Variants in ADGRL4 observed in about 807,000 individuals in gnomAD.
ADGRL4 encodes the protein adhesion G protein-coupled receptor L4, also known as EGF, latrophilin and seven transmembrane domain containing 1.
Under a neutral mutation model 74.8 loss-of-function variants are expected in ADGRL4, and 90 were observed. The observed-to-expected ratio is 1.20, with a 90% CI of 1.02 to 1.43. The LOEUF (loss-of-function observed/expected upper bound fraction) is 1.43, where lower values mean the gene tolerates loss of function less well. Ranked by LOEUF, ADGRL4 falls within the 40% of genes most tolerant of loss-of-function variation. ADGRL4 has a pLI of 0.00. For synonymous variants in ADGRL4, 311 were observed against 279.2 expected (o/e 1.11, Z -1.14); for missense variants, 881 against 814.3 (o/e 1.08, Z -1.00).
chr1:78,968,501 G>A (rs1246132442), intron 2 of ADGRL4, among the ~76,000 whole-genome samples: 6 of 125,616 alleles, frequency 4.8e-5, no homozygotes, highest in East Asian at 4.9e-4. Flanking sequence ...GGTGGAGGGC[G>A]GTGGGGGGGT....
At chr1:78,999,702 C>T (rs1190580988) in intron 2 of ADGRL4, among the ~76,000 whole-genome samples, 1 of 152,028 alleles carries the variant, frequency 6.6e-6, no homozygotes, top group Non-Finnish European at 1.5e-5. Context: ...ACAAAATGAA[C>T]ACAAGCTCTA....
Position 78,920,204 on chromosome 1 carries a change from C to A in ADGRL4, c.1440G>T (p.Gly480=). 1 of 1,611,148 alleles carries A rather than the reference C, an allele frequency of 6.2e-7. No homozygotes were observed. The highest frequency in any genetic ancestry group is 1.1e-5 in the South Asian group (1 of 90,988). ...LFLAELVFLV[G]INTNTNKLFC... Reference sequence around the variant, plus strand: ...ATACCTTATTAGTATTTGTATTGATCCCAACAAGAAAAACAAGTTCAGCAA... The same window carrying A: ...ATACCTTATTAGTATTTGTATTGATACCAACAAGAAAAACAAGTTCAGCAA... Residue 480 remains glycine (G), a synonymous_variant, in exon 10 of 15, where the codon GGG becomes GGT. Transcript: ENST00000370742.
At chr1:78,918,969 A>G (rs1648940678) in intron 10 of ADGRL4, among the ~76,000 whole-genome samples, 1 of 151,958 alleles carries the variant, frequency 6.6e-6, no homozygotes, top group Non-Finnish European at 1.5e-5. Context: ...TACACTGAGT[A>G]ATTTTGGGGT....
At chr1:78,932,298 G>A (rs1391365042) in intron 7 of ADGRL4, among the ~76,000 whole-genome samples, 2 of 151,538 alleles carry the variant, frequency 1.3e-5, no homozygotes, top group Admixed American at 6.6e-5. Context: ...TTACATGGAA[G>A]TTGAACAACC....
intron 1 of ADGRL4, 94 bp downstream of exon 1, chr1:79,006,539 T>A: frequency 7.0e-6 from 10 of 1,420,838 alleles, no homozygotes; most frequent in Non-Finnish European, 9.5e-6. Flanking sequence ...CCAAATACAC[T>A]TGCCATGTGA....
chr1:78,893,075 A>G, intron 13 of ADGRL4, 23 bp downstream of exon 13: 3 of 1,386,038 alleles, frequency 2.2e-6, no homozygotes, highest in Non-Finnish European at 3.0e-6. Flanking sequence ...AAAAAAAAAA[A>G]GTGAACTTAA....
At chr1:78,990,994 C>T (rs1055153697) in intron 2 of ADGRL4, among the ~76,000 whole-genome samples, 3 of 151,988 alleles carry the variant, frequency 2.0e-5, no homozygotes, top group Non-Finnish European at 4.4e-5. Context: ...GTTAGAAACA[C>T]CTCAGCTTCT....
rs371985119 is a variant in ADGRL4, at chr1:78,968,961, A to G, written c.173-22535T>C. On this transcript the variant is annotated intron_variant, in intron 2 of 14. Transcript: ENST00000370742. ...GGACTTATGAGGAGCTGAAATGTTC[A>G]AGAATATCAAGCAAATCAAGAACTA... is the stretch of plus-strand genomic sequence containing the variant. Among the ~76,000 whole-genome samples, 8 of 152,358 alleles carry G rather than the reference A, an allele frequency of 5.3e-5. No individual in the cohort carries two copies. The East Asian group carries it at 1.3e-3, about 26-fold the overall frequency.
chr1:78,958,748 C>T (rs193136509), intron 2 of ADGRL4, among the ~76,000 whole-genome samples: 46 of 152,232 alleles, frequency 3.0e-4, no homozygotes, highest in Admixed American at 9.8e-4. Context: ...AAAGCAACAG[C>T]AGGGTTTGAG....
intron 1 of ADGRL4, among the ~76,000 whole-genome samples, chr1:79,005,656 A>C (rs1489865666): frequency 2.0e-5 from 3 of 152,206 alleles, no homozygotes; most frequent in Admixed American, 6.5e-5. Flanking sequence ...AGGTTTTTGC[A>C]AATTCAAATC....
Position 78,891,148 on chromosome 1 carries a change from C to A in ADGRL4, c.*6G>T. ...TGCAGTTGTAATTATCCACCATTCT[C>A]TATGTTTACCTTAAACATCCAAAAC... On this transcript the variant is annotated 3_prime_UTR_variant, in exon 15 of 15. Coordinates refer to ENST00000370742, the MANE Select transcript of ADGRL4 (RefSeq NM_022159.4). 6.2e-7 allele frequency: 1 copy of A among 1,611,132 alleles called. No individual in the cohort carries two copies. Among genetic ancestry groups the A allele is most frequent in the South Asian group, 1.1e-5 (1 of 90,848 alleles).
intron 2 of ADGRL4, among the ~76,000 whole-genome samples, chr1:78,994,500 G>A (rs1650676060): frequency 6.6e-6 from 1 of 152,042 alleles, no homozygotes; most frequent in Non-Finnish European, 1.5e-5. Context: ...ATAAGAACTA[G>A]CCATTCTCCT....
intron 8 of ADGRL4, among the ~76,000 whole-genome samples, chr1:78,924,426 A>C (rs563664165): frequency 7.9e-5 from 12 of 152,132 alleles, no homozygotes; most frequent in Non-Finnish European, 1.2e-4. Flanking sequence ...TTGCTGGAGG[A>C]AACATGGCAT....
At chr1:78,939,550 C>T (rs1649433722) in intron 3 of ADGRL4, 1 of 178,972 alleles carries the variant, frequency 5.6e-6, no homozygotes, top group Admixed American at 6.0e-5. Context: ...AATGCAGGCA[C>T]ATTTCTTGGA....
chr1:78,894,693 T>A (rs1648357187), intron 12 of ADGRL4, among the ~76,000 whole-genome samples: 1 of 151,876 alleles, frequency 6.6e-6, no homozygotes, highest in Non-Finnish European at 1.5e-5. Context: ...TTGTAAAATT[T>A]GGTTAGTCTA....
intron 2 of ADGRL4, among the ~76,000 whole-genome samples, chr1:78,973,655 C>T (rs1018245895): frequency 6.8e-6 from 1 of 146,552 alleles, no homozygotes; most frequent in Non-Finnish European, 1.5e-5. Context: ...ATAAGATAAT[C>T]ATATATATAT....
At position 79,005,217 on chromosome 1, in the gene ADGRL4, C is replaced by A. The variant is rs547554975; in HGVS notation, c.25G>T (p.Val9Phe). ...GAACAATTCAACAAAGTGGAAAAAA[C>A]CACTAAATAAAATAGAGAAATACAC... Reference protein sequence around the residue: MKRLPLLVVFSTLLNCSYT... With the variant: MKRLPLLVFFSTLLNCSYT... The change falls in exon 2 of 15, where the codon GTT (valine) becomes TTT (phenylalanine). Residue 9 changes from valine (V) to phenylalanine (F), a missense_variant and splice_region_variant. By Grantham distance (50) the Val-to-Phe change is conservative. Coordinates refer to ENST00000370742, the MANE Select transcript of ADGRL4 (RefSeq NM_022159.4). 31 of 1,600,994 alleles carry A rather than the reference C, an allele frequency of 1.9e-5. No individual in the cohort carries two copies. The highest frequency in any genetic ancestry group is 2.7e-5 in the African/African-American group (2 of 74,244).
chr1:78,891,776 G>T, intron 13 of ADGRL4, 84 bp from the exon 14 acceptor site: 1 of 1,233,772 alleles, frequency 8.1e-7, no homozygotes, highest in Admixed American at 2.5e-5. Context: ...TGTGGGAGGT[G>T]AGTTTTCAGT....
intron 2 of ADGRL4, among the ~76,000 whole-genome samples, chr1:78,952,533 G>A (rs559508334): frequency 1.3e-4 from 19 of 151,190 alleles, no homozygotes; most frequent in African/African-American, 4.1e-4. Context: ...GAGATAAGGA[G>A]GAAGAAAAGA....
Sources: allele counts gnomAD v4.1 joint callset (sites outside exome capture counted in the v4.1 genomes callset), GRCh38; gene constraint gnomAD v4.1.1; transcripts MANE v1.5; gene names NCBI Gene and HGNC (gene_info 2026-07-23, HGNC 2026-07-21).